The following CLXN variants were observed in gnomAD, a reference collection of about 807,000 sequenced individuals.
CLXN encodes the protein calaxin.
chr8:48,721,212 G>T, the CLXN span, among the ~76,000 whole-genome samples: 3 of 152,020 alleles, frequency 2.0e-5, no homozygotes, highest in Non-Finnish European at 2.9e-5. Flanking sequence ...ATTCCTAATA[G>T]CAGCAAAAAA....
the CLXN span, among the ~76,000 whole-genome samples, chr8:48,732,366 G>A: frequency 6.6e-6 from 1 of 152,186 alleles, no homozygotes; most frequent in Non-Finnish European, 1.5e-5. Context: ...GTGTATAACA[G>A]AAGACAGCAT....
At chr8:48,729,136 T>C in the CLXN span, 3 of 1,612,864 alleles carry the variant, frequency 1.9e-6, no homozygotes, top group Non-Finnish European at 2.5e-6. Flanking sequence ...CTTCCCATCA[T>C]GGTCATGATC....
the CLXN span, chr8:48,724,547 C>T: frequency 2.3e-6 from 1 of 437,626 alleles, no homozygotes; most frequent in African/African-American, 2.0e-5. Flanking sequence ...AACCCATCAT[C>T]TAATAAGGGA....
chr8:48,718,872 C>T, the CLXN span, among the ~76,000 whole-genome samples: 1 of 151,650 alleles, frequency 6.6e-6, no homozygotes, highest in Non-Finnish European at 1.5e-5. Context: ...GGTAAAAAAA[C>T]CTAACTATAC....
the CLXN span, chr8:48,710,960 T>A: frequency 1.3e-5 from 2 of 152,230 alleles, no homozygotes; most frequent in Non-Finnish European, 2.9e-5. Flanking sequence ...CCATGGTTCC[T>A]ACCAACCTAT....
chr8:48,714,991 A>T, the CLXN span: 1 of 152,244 alleles, frequency 6.6e-6, no homozygotes, highest in Non-Finnish European at 1.5e-5. Context: ...AAGTCAAGCT[A>T]CAGACAAATA....
the CLXN span, chr8:48,711,002 G>T: frequency 6.6e-6 from 1 of 152,116 alleles, no homozygotes; most frequent in Non-Finnish European, 1.5e-5. Context: ...CACTTTCAAA[G>T]TTCATGTGAC....
the CLXN span, chr8:48,730,675 G>C: frequency 7.4e-7 from 1 of 1,343,774 alleles, no homozygotes; most frequent in East Asian, 2.4e-5. Flanking sequence ...TGGAACACCT[G>C]TCCTGCATAA....
At chr8:48,723,253 T>G in the CLXN span, among the ~76,000 whole-genome samples, 1 of 152,192 alleles carries the variant, frequency 6.6e-6, no homozygotes, top group Non-Finnish European at 1.5e-5. Flanking sequence ...TTGTATACCT[T>G]AAATATATAC....
chr8:48,730,414 G>T, the CLXN span: 1 of 537,832 alleles, frequency 1.9e-6, no homozygotes, highest in Non-Finnish European at 3.3e-6. Flanking sequence ...AGGTTAGTGG[G>T]ATTCAAACCA....
the CLXN span, among the ~76,000 whole-genome samples, chr8:48,726,795 C>T: frequency 1.3e-5 from 2 of 149,196 alleles, no homozygotes; most frequent in Non-Finnish European, 3.0e-5. Context: ...CCCATCAACC[C>T]AGTTCATCAT....
the CLXN span, among the ~76,000 whole-genome samples, chr8:48,727,577 G>A: frequency 6.6e-6 from 1 of 152,114 alleles, no homozygotes; most frequent in Non-Finnish European, 1.5e-5. Context: ...AGGCATGGAG[G>A]AGGCACATGA....
chr8:48,729,191 T>C, the CLXN span: 4 of 1,426,060 alleles, frequency 2.8e-6, no homozygotes, highest in South Asian at 4.8e-5. Flanking sequence ...AAATGATTAC[T>C]GCAAATACAT....
the CLXN span, among the ~76,000 whole-genome samples, chr8:48,719,363 C>A: frequency 2.0e-5 from 3 of 151,852 alleles, no homozygotes; most frequent in African/African-American, 4.8e-5. Flanking sequence ...AATACCAATT[C>A]TTTTATTTTC....
At chr8:48,729,318 A>G in the CLXN span, among the ~76,000 whole-genome samples, 2 of 152,084 alleles carry the variant, frequency 1.3e-5, no homozygotes, top group Non-Finnish European at 2.9e-5. Flanking sequence ...TGAGGCCAGA[A>G]GTTTGAGACC....
chr8:48,726,065 C>A, the CLXN span, among the ~76,000 whole-genome samples: 1 of 148,688 alleles, frequency 6.7e-6, no homozygotes, highest in Non-Finnish European at 1.5e-5. Flanking sequence ...CCCATCCACC[C>A]ACCTCACCCA....
chr8:48,725,915 T>C, the CLXN span, among the ~76,000 whole-genome samples: 1 of 152,074 alleles, frequency 6.6e-6, no homozygotes, highest in African/African-American at 2.4e-5. Context: ...TAAAGGTAAA[T>C]GAATGAAATA....
At chr8:48,714,896 C>T in the CLXN span, 1 of 151,980 alleles carries the variant, frequency 6.6e-6, no homozygotes, top group East Asian at 1.9e-4. Context: ...TTTATAATAG[C>T]AAAAATGTGG....
the CLXN span, among the ~76,000 whole-genome samples, chr8:48,722,691 T>G: frequency 3.3e-5 from 5 of 152,048 alleles, no homozygotes; most frequent in African/African-American, 1.2e-4. Context: ...TGGCACCCAG[T>G]ATCCCTCCAC....
Sources: allele counts gnomAD v4.1 joint callset (sites outside exome capture counted in the v4.1 genomes callset), GRCh38; gene constraint gnomAD v4.1.1; transcripts MANE v1.5; gene names NCBI Gene and HGNC (gene_info 2026-07-23, HGNC 2026-07-21).